CDCA7L: variants seen among roughly 807,000 people sequenced by gnomAD.
CDCA7L encodes cell division cycle associated 7 like.
Under a neutral mutation model 57.4 loss-of-function variants are expected in CDCA7L, and 44 were observed. The ratio of observed to expected loss-of-function variants is 0.77; its 90% confidence interval spans 0.60 to 0.98. The LOEUF is 0.98. CDCA7L is among the 50% of genes least tolerant of loss of function. The pLI, the probability that CDCA7L is intolerant of heterozygous loss-of-function variation, is 0.00. For synonymous variants in CDCA7L, 236 were observed against 202.8 expected (o/e 1.16, Z -1.39); for missense variants, 644 against 580.6 (o/e 1.11, Z -1.12).
rs150996749 is a variant in CDCA7L, at chr7:21,901,982, A to C, written c.*340T>G. On this transcript the variant is annotated 3_prime_UTR_variant, in exon 10 of 10. Coordinates refer to ENST00000406877, the MANE Select transcript of CDCA7L (RefSeq NM_018719.5). The stretch of plus-strand genomic sequence containing the variant: ...TGGGAAGCCAAAGATAGATAGATCA[A>C]GTGCAGGAGCTGATCATACAATGTT... 2.0e-4 allele frequency: 57 copies of C among 291,948 alleles called. No individual in the cohort carries two copies. In the East Asian group the frequency reaches 3.9e-3, roughly 20 times the overall value. The allele number at this position is 291,948 out of a possible 1,614,324, so 18.1% of individuals were successfully genotyped here.
In CDCA7L at chr7:21,906,293, A is replaced by G; in HGVS notation, c.917T>C (p.Ile306Thr). The change falls in exon 6 of 10, where the codon ATT (isoleucine) becomes ACT (threonine). Residue 306 changes from isoleucine to threonine, a missense_variant. Physicochemically the swap from Ile to Thr is moderately conservative, Grantham distance 89. Transcript: ENST00000406877. ...EFYSFRRRKT[I>T]GGKCREYRRR... Reference sequence around the variant, plus strand: ...CATGTATTAGTCAGAAAATACCCCAATTGTCTTCCTTCTTCGGAAGCTGTA... The same window carrying G: ...CATGTATTAGTCAGAAAATACCCCAGTTGTCTTCCTTCTTCGGAAGCTGTA... 21 of 1,593,956 alleles carry G rather than the reference A, an allele frequency of 1.3e-5. No homozygotes were observed. The highest frequency in any genetic ancestry group is 1.6e-5 in the Non-Finnish European group (19 of 1,170,856).
At chr7:21,909,538 A>G (rs141091026) in intron 3 of CDCA7L, among the ~76,000 whole-genome samples, 1 of 152,324 alleles carries the variant, frequency 6.6e-6, no homozygotes, top group African/African-American at 2.4e-5. Context: ...AAAAAAACGC[A>G]GATAACTGCC....
At chr7:21,942,320 G>A (rs12700337) in intron 1 of CDCA7L, among the ~76,000 whole-genome samples, 124,401 of 152,170 alleles carry the variant, frequency 0.82, 51,177 homozygotes, top group Non-Finnish European at 0.86. Flanking sequence ...AACTTCAGTG[G>A]TATTTACCAA....
rs1784829252 is a variant in CDCA7L at position 21,901,333 on chromosome 7, CA to C, written c.*988del. ...CATGTTGCTGCACTGTTCCCATGCA[CA>C]TTATTCTAACTTTTTAGTAACTCAC... On this transcript the variant is annotated 3_prime_UTR_variant, in exon 10 of 10. Transcript: ENST00000406877. 2.1e-6 allele frequency: 3 copies of C among 1,415,366 alleles called. No individual in the cohort carries two copies. The highest frequency in any genetic ancestry group is 2.8e-6 in the Non-Finnish European group (3 of 1,074,018). The allele number at this position is 1,415,366 out of a possible 1,614,324, so 87.7% of individuals were successfully genotyped here.
At chr7:21,942,302 T>C (rs947525178) in intron 1 of CDCA7L, among the ~76,000 whole-genome samples, 2 of 152,246 alleles carry the variant, frequency 1.3e-5, no homozygotes, top group Non-Finnish European at 2.9e-5. Flanking sequence ...TACATTTTTC[T>C]GAGTGTTAAC....
At position 21,906,383 on chromosome 7, in the gene CDCA7L, C is replaced by T. The variant is rs1366267269; in HGVS notation, c.827G>A (p.Arg276Gln). 4 of 1,613,780 alleles carry T rather than the reference C, an allele frequency of 2.5e-6. No homozygotes were observed. Among genetic ancestry groups the T allele is most frequent in the South Asian group, 1.1e-5 (1 of 91,040 alleles). The change falls in exon 6 of 10, where the codon CGG becomes CAG. Residue 276 changes from arginine (R) to glutamine (Q), a missense_variant. Transcript: ENST00000406877. ...TRRMNPTRSA[R>Q]PPEKFALENF... ...CTCTAGAGCAAACTTCTCAGGAGGC[C>T]GCGCACTCCGGGTTGGGTTCATACG...
chr7:21,920,985 T>C (rs189351145), intron 1 of CDCA7L, among the ~76,000 whole-genome samples: 5 of 152,286 alleles, frequency 3.3e-5, no homozygotes, highest in African/African-American at 9.6e-5. Flanking sequence ...TTAACATAAA[T>C]GGTTTAAAGG....
rs994487519 is a variant in CDCA7L, at chr7:21,939,086, G to A, written c.24+6695C>T. 1.2e-4 allele frequency among the ~76,000 whole-genome samples: 18 copies of A among 152,156 alleles called. No individual in the cohort carries two copies. In the South Asian group the frequency reaches 2.5e-3, roughly 21 times the overall value. ...CTTTAATAACAATGTTAAGTGAAAT[G>A]AGCCAGTGACAAAAGGACAAATACC... is the stretch of plus-strand genomic sequence containing the variant. On this transcript the variant is annotated intron_variant, in intron 1 of 9. Transcript: ENST00000406877.
intron 1 of CDCA7L, among the ~76,000 whole-genome samples, chr7:21,917,226 T>C (rs1785514064): frequency 6.6e-6 from 1 of 152,182 alleles, no homozygotes; most frequent in Non-Finnish European, 1.5e-5. Flanking sequence ...TCTCCTACAG[T>C]GGATGCATCT....
At chr7:21,944,449 C>CAAAAAAAAAAAAAAAAAAAAAAAAAA (rs59373889) in intron 1 of CDCA7L, among the ~76,000 whole-genome samples, 1 of 61,658 alleles carries the variant, frequency 1.6e-5, no homozygotes, top group African/African-American at 9.0e-5. Context: ...ACTCCGTCTC[C>CAAAAAAAAAAAAAAAAAAAAAAAAAA]AAAAAAAAAA....
At chr7:21,912,504 G>A (rs561318601) in intron 2 of CDCA7L, among the ~76,000 whole-genome samples, 1 of 152,178 alleles carries the variant, frequency 6.6e-6, no homozygotes, top group Non-Finnish European at 1.5e-5. Context: ...CAAAACACAT[G>A]GAAAGAAGAT....
chr7:21,943,206 G>C (rs1786399909), intron 1 of CDCA7L, among the ~76,000 whole-genome samples: 1 of 152,238 alleles, frequency 6.6e-6, no homozygotes, highest in Non-Finnish European at 1.5e-5. Flanking sequence ...AGCACGACAA[G>C]ACTACAGCCT....
rs750551173 is a variant in CDCA7L, at chr7:21,902,304, GTTCTGT to G, written c.*12_*17del. ...GGAGTACTCTATGGTGAGGTGGCTGGTTCTGTTTGTTTTCCTCTTAATTGTCTTCTA... is the reference window on the plus strand; with the variant it reads ...GGAGTACTCTATGGTGAGGTGGCTGGTTGTTTTCCTCTTAATTGTCTTCTA... On this transcript the variant is annotated 3_prime_UTR_variant, in exon 10 of 10. Transcript: ENST00000406877. The G allele has an allele frequency of 2.5e-6, 4 of 1,613,318 alleles. No homozygotes were observed. The highest frequency in any genetic ancestry group is 3.4e-6 in the Non-Finnish European group (4 of 1,179,410).
At chr7:21,915,246 CAAG>C (rs750296066) in intron 2 of CDCA7L, among the ~76,000 whole-genome samples, 3 of 151,978 alleles carry the variant, frequency 2.0e-5, no homozygotes, top group Admixed American at 1.3e-4. Flanking sequence ...AGATGGAAAT[CAAG>C]ATGGGGAAAG....
intron 8 of CDCA7L, chr7:21,903,783 C>T: frequency 4.6e-6 from 1 of 216,778 alleles, no homozygotes; most frequent in Non-Finnish European, 9.1e-6. Flanking sequence ...CAGCCTGGCC[C>T]AGGAAAAACA....
intron 1 of CDCA7L, among the ~76,000 whole-genome samples, chr7:21,934,076 C>T (rs974600874): frequency 2.0e-5 from 3 of 152,132 alleles, no homozygotes; most frequent in Non-Finnish European, 4.4e-5. Flanking sequence ...ATGAAAGTCA[C>T]TACACCGTAA....
At chr7:21,924,697 G>A (rs1253944568) in intron 1 of CDCA7L, among the ~76,000 whole-genome samples, 6 of 152,096 alleles carry the variant, frequency 3.9e-5, no homozygotes, top group African/African-American at 1.4e-4. Flanking sequence ...GAATTCTTAA[G>A]ATACAACACC....
intron 1 of CDCA7L, among the ~76,000 whole-genome samples, chr7:21,941,526 T>C (rs990066751): frequency 6.6e-6 from 1 of 152,244 alleles, no homozygotes; most frequent in African/African-American, 2.4e-5. Flanking sequence ...GTCATTCCTA[T>C]GTAAAAGCTT....
At chr7:21,943,200 C>T (rs1270436064) in intron 1 of CDCA7L, among the ~76,000 whole-genome samples, 1 of 152,186 alleles carries the variant, frequency 6.6e-6, no homozygotes, top group Non-Finnish European at 1.5e-5. Context: ...GTGGTCAGCA[C>T]GACAAGACTA....
Sources: gnomAD v4.1 joint callset for allele counts (sites outside exome capture counted in the v4.1 genomes callset) on GRCh38, gnomAD v4.1.1 for gene constraint, MANE v1.5 for transcripts, NCBI Gene and HGNC (gene_info 2026-07-23, HGNC 2026-07-21) for gene names.